GDPD5: variants seen among roughly 807,000 people sequenced by gnomAD.
The protein encoded by GDPD5 is glycerophosphodiester phosphodiesterase domain containing 5.
In GDPD5, 48 loss-of-function variants were observed where a neutral mutation model predicts 75.1. The ratio of observed to expected loss-of-function variants is 0.64; its 90% CI spans 0.51 to 0.81. The LOEUF is 0.81. Among genes scored for constraint, GDPD5 ranks in the 40% least tolerant of loss-of-function variants. The pLI, the probability that GDPD5 is intolerant of heterozygous loss-of-function variation, is 0.00. For missense variants in GDPD5, 706 were observed against 822.6 expected, an observed-to-expected ratio of 0.86 and a Z score of 1.73; for synonymous variants, 336 against 339.0, an observed-to-expected ratio of 0.99 and a Z score of 0.10.
chr11:75,448,845 A>T, intron 9 of GDPD5, 132 bp downstream of exon 9: 1 of 1,220,002 alleles, frequency 8.2e-7, no homozygotes, highest in Non-Finnish European at 1.1e-6. Context: ...CCTTTTTGCC[A>T]GTCCTTCCCA....
At chr11:75,464,855 C>T (rs1451152617) in intron 3 of GDPD5, among the ~76,000 whole-genome samples, 9 of 152,044 alleles carry the variant, frequency 5.9e-5, no homozygotes, top group Admixed American at 1.3e-4. Context: ...CTAGAGCAAT[C>T]GAACCCTAGG....
chr11:75,441,133 C>G, intron 14 of GDPD5, 30 bp downstream of exon 14: 1 of 1,609,478 alleles, frequency 6.2e-7, no homozygotes, highest in Non-Finnish European at 8.5e-7. Flanking sequence ...CCAGCACTGC[C>G]CCCCAGGGGC....
intron 9 of GDPD5, among the ~76,000 whole-genome samples, chr11:75,446,595 A>G (rs1395824384): frequency 6.6e-6 from 1 of 152,250 alleles, no homozygotes; most frequent in African/African-American, 2.4e-5. Context: ...GTACACGTAC[A>G]CACATGCACA....
rs931749873 is a variant in GDPD5, at chr11:75,483,132, C to T, written c.-60-5337G>A. Among the ~76,000 whole-genome samples the T allele has an allele frequency of 7.2e-5, 11 of 152,142 alleles. No individual in the cohort carries two copies. The South Asian group carries it at 8.3e-4, about 11-fold the overall frequency. ...AGGTCCAATCGATTTCTCCAAGCTACGTCCCAGGGCTGCTGATACCAGCCA... is the reference window on the plus strand; with the variant it reads ...AGGTCCAATCGATTTCTCCAAGCTATGTCCCAGGGCTGCTGATACCAGCCA... On this transcript the variant is annotated intron_variant, in intron 2 of 16. Coordinates refer to ENST00000336898, the MANE Select transcript of GDPD5 (RefSeq NM_030792.8).
chr11:75,503,178 C>A (rs1174803065), intron 1 of GDPD5, among the ~76,000 whole-genome samples: 1 of 152,174 alleles, frequency 6.6e-6, no homozygotes, highest in Non-Finnish European at 1.5e-5. Context: ...CACCACCATG[C>A]CCAGCTAATT....
At chr11:75,439,990 C>A (rs752771510) in intron 14 of GDPD5, 29 bp from the exon 15 acceptor site, 26 of 1,536,966 alleles carry the variant, frequency 1.7e-5, no homozygotes, top group Non-Finnish European at 2.3e-5. Context: ...AGGCCAACTT[C>A]CAGTCATGGC....
chr11:75,441,052 T>C (rs1948783097), intron 14 of GDPD5, 111 bp downstream of exon 14: 1 of 1,085,086 alleles, frequency 9.2e-7, no homozygotes, highest in South Asian at 1.5e-5. Context: ...CTCCCCACCA[T>C]GCTAGAGACC....
chr11:75,439,512 C>T (rs892368854), intron 15 of GDPD5, among the ~76,000 whole-genome samples: 1 of 151,140 alleles, frequency 6.6e-6, no homozygotes, highest in Non-Finnish European at 1.5e-5. Flanking sequence ...TGGCCCTAGA[C>T]CCTCCCTGGG....
intron 2 of GDPD5, among the ~76,000 whole-genome samples, chr11:75,479,926 A>ACCACATTTT (rs1949869803): frequency 6.6e-6 from 1 of 152,194 alleles, no homozygotes; most frequent in Non-Finnish European, 1.5e-5. Flanking sequence ...GTATGGATCT[A>ACCACATTTT]CCACATTTTG....
rs1478030249 is a variant in GDPD5, at chr11:75,441,370, C to CG, written c.1326-61dup. ...ACCCTGGCAGCTCCAGGCCCAGTGT[C>CG]GGGGCTGGTAAAGCACGTCCTGTTC... On this transcript the variant is annotated intron_variant, in intron 13 of 16. Transcript: ENST00000336898. 1.3e-5 allele frequency: 20 copies of CG among 1,595,482 alleles called. 1 individual carries two copies. In the South Asian group the frequency reaches 1.9e-4, roughly 15 times the overall value.
chr11:75,457,265 A>C (rs556013531), intron 5 of GDPD5, among the ~76,000 whole-genome samples: 48 of 152,350 alleles, frequency 3.2e-4, no homozygotes, highest in African/African-American at 1.1e-3. Context: ...GGAAGCCTGC[A>C]GTGGGCCCTC....
intron 2 of GDPD5, among the ~76,000 whole-genome samples, chr11:75,478,584 CCTGT>C (rs1375711226): frequency 1.3e-5 from 2 of 152,198 alleles, no homozygotes; most frequent in East Asian, 3.8e-4. Flanking sequence ...GCTTATTTTT[CCTGT>C]CTGTCTACCC....
At chr11:75,506,897 T>C (rs945911391) in intron 1 of GDPD5, 2 of 152,046 alleles carry the variant, frequency 1.3e-5, no homozygotes, top group South Asian at 4.2e-4. Flanking sequence ...GGCTCTAGAG[T>C]GTGCACCCTG....
intron 6 of GDPD5, 57 bp from the exon 7 acceptor site, chr11:75,450,040 G>T: frequency 7.0e-7 from 1 of 1,428,168 alleles, no homozygotes; most frequent in Non-Finnish European, 9.8e-7. Context: ...GGTTCCCAGT[G>T]TGTCTGAGAG....
At chr11:75,483,039 T>C (rs1565206616) in intron 2 of GDPD5, among the ~76,000 whole-genome samples, 1 of 152,144 alleles carries the variant, frequency 6.6e-6, no homozygotes, top group Non-Finnish European at 1.5e-5. Flanking sequence ...GAGACGGGAC[T>C]CTCTCCACCA....
intron 1 of GDPD5, chr11:75,508,124 C>T (rs952955011): frequency 2.0e-5 from 3 of 152,194 alleles, no homozygotes; most frequent in African/African-American, 4.8e-5. Context: ...AGGACTCACA[C>T]CCAGTGGCTT....
At position 75,449,628 on chromosome 11, in the gene GDPD5, G is replaced by A; in HGVS notation, c.475-18C>T. On this transcript the variant is annotated intron_variant, in intron 7 of 16. Transcript: ENST00000336898. ...GCTGTGCCCTGTTTGCAGGGAGAGGGAAGGGAGACCAGTAACGCCCAGCTC... is the reference window on the plus strand; with the variant it reads ...GCTGTGCCCTGTTTGCAGGGAGAGGAAAGGGAGACCAGTAACGCCCAGCTC... 2 of 1,564,328 alleles carry A rather than the reference G, an allele frequency of 1.3e-6. No individual in the cohort carries two copies. The highest frequency in any genetic ancestry group is 1.7e-6 in the Non-Finnish European group (2 of 1,153,854).
intron 2 of GDPD5, among the ~76,000 whole-genome samples, chr11:75,486,100 T>C (rs891733374): frequency 6.6e-6 from 1 of 152,180 alleles, no homozygotes; most frequent in African/African-American, 2.4e-5. Flanking sequence ...TTGAGCACCC[T>C]TGGCTGATCT....
chr11:75,460,045 C>G (rs760052789), intron 4 of GDPD5, among the ~76,000 whole-genome samples: 1 of 152,092 alleles, frequency 6.6e-6, no homozygotes, highest in African/African-American at 2.4e-5. Context: ...AATCTACTGC[C>G]TGGCAGATCA....
Sources: allele counts gnomAD v4.1 joint callset (sites outside exome capture counted in the v4.1 genomes callset), GRCh38; gene constraint gnomAD v4.1.1; transcripts MANE v1.5; gene names NCBI Gene and HGNC (gene_info 2026-07-23, HGNC 2026-07-21).